The following KIAA0040 variants were observed in gnomAD, a reference collection of about 807,000 sequenced individuals.
KIAA0040 encodes the protein KIAA0040.
KIAA0040 carries 10 observed loss-of-function variants against 7.2 expected under a neutral mutation model. The ratio of observed to expected loss-of-function variants is 1.38; its 90% CI spans 0.85 to 2.34. The LOEUF (loss-of-function observed/expected upper bound fraction) is 2.34. Ranked by LOEUF, KIAA0040 falls within the 30% of genes most tolerant of loss-of-function variation. KIAA0040 has a pLI of 0.00. For missense variants in KIAA0040, 89 were observed against 108.2 expected (o/e 0.82, Z 0.79); for synonymous variants, 49 against 40.1 (o/e 1.22, Z -0.84).
At chr1:175,190,034 C>T (rs373605868) in intron 1 of KIAA0040, among the ~76,000 whole-genome samples, 1 of 152,182 alleles carries the variant, frequency 6.6e-6, no homozygotes, top group Non-Finnish European at 1.5e-5. Context: ...GGTCATCCTT[C>T]TTGTTTTTAT....
intron 3 of KIAA0040, among the ~76,000 whole-genome samples, chr1:175,165,533 C>A (rs1676724103): frequency 6.6e-6 from 1 of 152,194 alleles, no homozygotes; most frequent in African/African-American, 2.4e-5. Context: ...ATGAAAAGGT[C>A]TTCAGAAATA....
chr1:175,180,886 CTG>C (rs1260040939), intron 1 of KIAA0040, among the ~76,000 whole-genome samples: 1 of 152,228 alleles, frequency 6.6e-6, no homozygotes, highest in East Asian at 1.9e-4. Flanking sequence ...GGGTCTCACT[CTG>C]TCACCCAGGC....
intron 2 of KIAA0040, among the ~76,000 whole-genome samples, chr1:175,167,894 T>A (rs1049307319): frequency 1.3e-5 from 2 of 152,080 alleles, no homozygotes; most frequent in Admixed American, 6.5e-5. Context: ...ATATTCTTTT[T>A]TTTTTTCCTT....
At chr1:175,177,907 T>G (rs781126871) in intron 1 of KIAA0040, among the ~76,000 whole-genome samples, 1 of 152,262 alleles carries the variant, frequency 6.6e-6, no homozygotes, top group Non-Finnish European at 1.5e-5. Flanking sequence ...GTGTCTGGGC[T>G]GTTAGGAACT....
chr1:175,183,443 T>C (rs1677524767), intron 1 of KIAA0040, among the ~76,000 whole-genome samples: 1 of 152,210 alleles, frequency 6.6e-6, no homozygotes, highest in Non-Finnish European at 1.5e-5. Flanking sequence ...CAAGCTCTCA[T>C]ACTTATGCAA....
At position 175,160,785 on chromosome 1, in the gene KIAA0040, C is replaced by T. The variant is rs1676496522; in HGVS notation, c.229G>A (p.Glu77Lys). The change falls in exon 4 of 4, where the codon GAA becomes AAA. Residue 77 changes from glutamate to lysine, a missense_variant. Transcript: ENST00000423313. ...KKKKKKKKKDEEDLWISAQPK... is the reference protein window; with the variant it reads ...KKKKKKKKKDKEDLWISAQPK... ...TGAGCAGAGATCCAGAGGTCTTCTTCATCCTTCTTCTTCTTCTTCTTCTTC... is the reference window on the plus strand; with the variant it reads ...TGAGCAGAGATCCAGAGGTCTTCTTTATCCTTCTTCTTCTTCTTCTTCTTC... 2.0e-6 allele frequency: 3 copies of T among 1,528,246 alleles called. No individual in the cohort carries two copies. Among genetic ancestry groups the T allele is most frequent in the Non-Finnish European group, 8.8e-7 (1 of 1,137,012 alleles). 94.7% of individuals were successfully genotyped at this position (1,528,246 alleles called of 1,614,324 possible).
intron 3 of KIAA0040, among the ~76,000 whole-genome samples, chr1:175,165,411 A>T (rs1361724564): frequency 2.0e-5 from 3 of 152,370 alleles, no homozygotes; most frequent in East Asian, 3.9e-4. Context: ...TAAAATAGTG[A>T]GTTATCTTGA....
intron 2 of KIAA0040, among the ~76,000 whole-genome samples, chr1:175,171,894 T>C (rs1004087433): frequency 2.6e-5 from 4 of 152,206 alleles, no homozygotes; most frequent in Non-Finnish European, 5.9e-5. Context: ...CAAGTATTAA[T>C]TAAGACGTGC....
intron 2 of KIAA0040, among the ~76,000 whole-genome samples, chr1:175,168,445 G>A (rs1380621969): frequency 6.6e-6 from 1 of 152,120 alleles, no homozygotes; most frequent in Non-Finnish European, 1.5e-5. Flanking sequence ...AAGGAAAATA[G>A]ATAGTATTTT....
chr1:175,185,305 G>C (rs967745605), intron 1 of KIAA0040, among the ~76,000 whole-genome samples: 3 of 152,182 alleles, frequency 2.0e-5, no homozygotes, highest in Non-Finnish European at 4.4e-5. Flanking sequence ...GGTTAGGTAA[G>C]GGAAAATAGG....
chr1:175,186,564 T>C (rs1677667272), intron 1 of KIAA0040, among the ~76,000 whole-genome samples: 1 of 152,226 alleles, frequency 6.6e-6, no homozygotes, highest in Non-Finnish European at 1.5e-5. Context: ...AGGACTGCAG[T>C]GCCTCTGTCT....
intron 2 of KIAA0040, among the ~76,000 whole-genome samples, chr1:175,172,015 T>C (rs1677012673): frequency 6.6e-6 from 1 of 152,212 alleles, no homozygotes; most frequent in Non-Finnish European, 1.5e-5. Context: ...AAAGCCTTCA[T>C]GTGGACTTTC....
At chr1:175,180,621 T>C (rs1190332347) in intron 1 of KIAA0040, among the ~76,000 whole-genome samples, 1 of 152,204 alleles carries the variant, frequency 6.6e-6, no homozygotes, top group Non-Finnish European at 1.5e-5. Context: ...CCTGAGTAGA[T>C]CTCTTTTGGA....
chr1:175,188,909 T>G (rs1234058193), intron 1 of KIAA0040, among the ~76,000 whole-genome samples: 2 of 152,204 alleles, frequency 1.3e-5, no homozygotes, highest in African/African-American at 4.8e-5. Flanking sequence ...TGTGTCCTTG[T>G]GTGTGAGATA....
chr1:175,160,558 C>A lies in KIAA0040; in HGVS notation c.*156G>T. 1.4e-6 allele frequency: 1 copy of A among 736,024 alleles called. No individual in the cohort carries two copies. Among genetic ancestry groups the A allele is most frequent in the Non-Finnish European group, 2.2e-6 (1 of 463,646 alleles). 45.6% of individuals were successfully genotyped at this position (736,024 alleles called of 1,614,324 possible). A position where few individuals can be genotyped will look rare whatever the true frequency, so the allele number is the denominator to read the frequency against. ...TGTCCACGTGGTCCCTGGGACTGCC[C>A]TCCACTGGGACACTTAGTCTGAGGT... On this transcript the variant is annotated 3_prime_UTR_variant, in exon 4 of 4. Coordinates refer to ENST00000423313, the MANE Select transcript of KIAA0040 (RefSeq NM_014656.3).
chr1:175,161,917 C>T (rs1676558729), intron 3 of KIAA0040, among the ~76,000 whole-genome samples: 1 of 152,190 alleles, frequency 6.6e-6, no homozygotes, highest in Non-Finnish European at 1.5e-5. Context: ...CCAAATACTC[C>T]AAAGTCTCCT....
intron 1 of KIAA0040, among the ~76,000 whole-genome samples, chr1:175,186,677 C>T (rs1422693448): frequency 6.6e-6 from 1 of 152,172 alleles, no homozygotes; most frequent in Non-Finnish European, 1.5e-5. Context: ...TCAATGATGT[C>T]CTTATGCAAA....
At chr1:175,163,241 C>T (rs888869459) in intron 3 of KIAA0040, among the ~76,000 whole-genome samples, 9 of 152,242 alleles carry the variant, frequency 5.9e-5, no homozygotes, top group African/African-American at 1.9e-4. Flanking sequence ...CCCAGATTAA[C>T]TTAAATGCTT....
At chr1:175,189,580 T>C (rs1461136588) in intron 1 of KIAA0040, among the ~76,000 whole-genome samples, 1 of 152,194 alleles carries the variant, frequency 6.6e-6, no homozygotes, top group Non-Finnish European at 1.5e-5. Context: ...AGACTTATCA[T>C]TACTGCCTTA....
Sources: allele counts gnomAD v4.1 joint callset (sites outside exome capture counted in the v4.1 genomes callset), GRCh38; gene constraint gnomAD v4.1.1; transcripts MANE v1.5; gene names NCBI Gene and HGNC (gene_info 2026-07-23, HGNC 2026-07-21).